AUTS2: variants seen among roughly 807,000 people sequenced by gnomAD.
AUTS2 encodes the protein autism susceptibility gene 2 protein.
Under a neutral mutation model 112.4 loss-of-function variants are expected in AUTS2, and 17 were observed. That is an observed-to-expected ratio of 0.15 (90% CI 0.10 to 0.23). The LOEUF (loss-of-function observed/expected upper bound fraction) is 0.23. Ranked by LOEUF, AUTS2 falls within the 10% of genes least tolerant of loss-of-function variation. The pLI is 1.00. For synonymous variants in AUTS2, 751 were observed against 702.7 expected (o/e 1.07, Z -1.09); for missense variants, 1,510 against 1,701.6 (o/e 0.89, Z 1.98).
chr7:70,703,465 T>A (rs569502274), intron 6 of AUTS2, among the ~76,000 whole-genome samples: 60 of 117,726 alleles, frequency 5.1e-4, no homozygotes, highest in African/African-American at 2.0e-3. Flanking sequence ...CACTATAGCC[T>A]GGGCGACAGA....
chr7:69,892,695 A>T (rs1794581165), intron 1 of AUTS2, among the ~76,000 whole-genome samples: 1 of 152,208 alleles, frequency 6.6e-6, no homozygotes, highest in Admixed American at 6.5e-5. Context: ...AGCTTAACCC[A>T]AGATTACAAG....
At chr7:70,772,142 A>T (rs1050064176) in intron 11 of AUTS2, among the ~76,000 whole-genome samples, 3 of 152,138 alleles carry the variant, frequency 2.0e-5, no homozygotes, top group African/African-American at 7.2e-5. Context: ...GGCTGCAAAC[A>T]GGGCCTGCCG....
At chr7:70,223,031 G>A (rs1352878612) in intron 4 of AUTS2, among the ~76,000 whole-genome samples, 3 of 151,874 alleles carry the variant, frequency 2.0e-5, no homozygotes, top group Non-Finnish European at 4.4e-5. Context: ...GGGATTACAG[G>A]TGCCCGCCAC....
At chr7:70,588,671 A>AT (rs916861526) in intron 5 of AUTS2, among the ~76,000 whole-genome samples, 101 of 149,922 alleles carry the variant, frequency 6.7e-4, no homozygotes, top group African/African-American at 1.7e-3. Context: ...AAAGTTTAGG[A>AT]TTTTTTTTTT....
At chr7:70,241,091 CCT>C (rs1057495774) in intron 4 of AUTS2, among the ~76,000 whole-genome samples, 11 of 152,132 alleles carry the variant, frequency 7.2e-5, no homozygotes, top group African/African-American at 2.7e-4. Flanking sequence ...AGCTTTTTGG[CCT>C]CCTCTAGGTC....
intron 5 of AUTS2, among the ~76,000 whole-genome samples, chr7:70,564,975 G>C (rs187013175): frequency 6.6e-6 from 1 of 152,196 alleles, no homozygotes; most frequent in African/African-American, 2.4e-5. Flanking sequence ...GTGCTCGCCT[G>C]TAGTCCCAGC....
intron 5 of AUTS2, among the ~76,000 whole-genome samples, chr7:70,640,001 G>A (rs1285828240): frequency 2.6e-5 from 4 of 152,074 alleles, no homozygotes; most frequent in African/African-American, 7.2e-5. Flanking sequence ...AAAACATTAC[G>A]GTATGTCATT....
chr7:70,702,554 C>T (rs550449696), intron 6 of AUTS2, among the ~76,000 whole-genome samples: 3 of 152,188 alleles, frequency 2.0e-5, no homozygotes, highest in Non-Finnish European at 4.4e-5. Context: ...AGTGAGCCAT[C>T]GGGGAGCTGT....
intron 5 of AUTS2, among the ~76,000 whole-genome samples, chr7:70,610,879 G>C (rs1224637884): frequency 6.6e-6 from 1 of 151,958 alleles, no homozygotes; most frequent in Non-Finnish European, 1.5e-5. Flanking sequence ...ATCTATTTTG[G>C]ATATTAACCC....
chr7:70,107,825 A>G (rs895493340), intron 2 of AUTS2, among the ~76,000 whole-genome samples: 24 of 151,082 alleles, frequency 1.6e-4, no homozygotes, highest in Admixed American at 1.6e-3. Flanking sequence ...CATCCTGGCC[A>G]ACAAGGTGAA....
intron 14 of AUTS2, among the ~76,000 whole-genome samples, chr7:70,778,204 G>C (rs1413359335): frequency 6.6e-6 from 1 of 152,128 alleles, no homozygotes; most frequent in Non-Finnish European, 1.5e-5. Context: ...CTTGGCTTAG[G>C]GAACAAAGTA....
intron 5 of AUTS2, among the ~76,000 whole-genome samples, chr7:70,566,798 A>G (rs1056998789): frequency 6.6e-6 from 1 of 152,228 alleles, no homozygotes; most frequent in African/African-American, 2.4e-5. Context: ...CAGGTAATCT[A>G]CATAATATAT....
chr7:69,837,775 G>T (rs1301753012), intron 1 of AUTS2, among the ~76,000 whole-genome samples: 1 of 152,186 alleles, frequency 6.6e-6, no homozygotes, highest in Admixed American at 6.5e-5. Flanking sequence ...TTTAGCATAA[G>T]AAATAAAGTG....
At position 69,743,165 on chromosome 7, in the gene AUTS2, A is replaced by G. The variant is rs1217672485; in HGVS notation, c.309+143203A>G. 3.3e-5 allele frequency among the ~76,000 whole-genome samples: 5 copies of G among 152,174 alleles called. No homozygotes were observed. In the South Asian group the frequency reaches 6.2e-4, roughly 19 times the overall value. ...TCTTGTGACTTTGGGCAAGTTACCT[A>G]ACCTCTCAGTGCCTCAGTTTCCTCA... On this transcript the variant is annotated intron_variant, in intron 1 of 18. Coordinates refer to ENST00000342771, the MANE Select transcript of AUTS2 (RefSeq NM_015570.4).
intron 5 of AUTS2, among the ~76,000 whole-genome samples, chr7:70,663,400 A>AAAAAG (rs1360208032): frequency 6.6e-6 from 1 of 152,198 alleles, no homozygotes; most frequent in Non-Finnish European, 1.5e-5. Flanking sequence ...CTGTCTTTTA[A>AAAAAG]AAAAGAAAAG....
intron 5 of AUTS2, among the ~76,000 whole-genome samples, chr7:70,666,988 A>T (rs2129543548): frequency 6.6e-6 from 1 of 151,986 alleles, no homozygotes; most frequent in East Asian, 1.9e-4. Flanking sequence ...AAAAAAAAAA[A>T]AAAGTTTCCT....
chr7:69,896,304 TC>T (rs1484574663), intron 1 of AUTS2, among the ~76,000 whole-genome samples: 1 of 152,166 alleles, frequency 6.6e-6, no homozygotes, highest in African/African-American at 2.4e-5. Context: ...TCTCGACTTG[TC>T]CCCTGAAACA....
At chr7:70,189,520 G>A (rs151150269) in intron 4 of AUTS2, among the ~76,000 whole-genome samples, 2 of 152,310 alleles carry the variant, frequency 1.3e-5, no homozygotes, top group African/African-American at 4.8e-5. Flanking sequence ...GGTGTGTTAC[G>A]TAAAGCTTGG....
intron 4 of AUTS2, among the ~76,000 whole-genome samples, chr7:70,380,721 A>G (rs940198951): frequency 6.6e-6 from 1 of 152,230 alleles, no homozygotes; most frequent in East Asian, 1.9e-4. Flanking sequence ...AAATGGGTAA[A>G]TATCAAATTG....
Sources: gnomAD v4.1 joint callset for allele counts (sites outside exome capture counted in the v4.1 genomes callset) on GRCh38, gnomAD v4.1.1 for gene constraint, MANE v1.5 for transcripts, NCBI Gene and HGNC (gene_info 2026-07-23, HGNC 2026-07-21) for gene names.